PRKCB: variants seen among roughly 807,000 people sequenced by gnomAD.
The protein encoded by PRKCB is protein kinase C beta, also known as protein kinase C beta type.
Under a neutral mutation model 81.5 loss-of-function variants are expected in PRKCB, and 13 were observed. The ratio of observed to expected loss-of-function variants is 0.16; its 90% CI spans 0.10 to 0.25. The LOEUF (loss-of-function observed/expected upper bound fraction) is 0.25. Among genes scored for constraint, PRKCB ranks in the 10% least tolerant of loss-of-function variants. PRKCB has a pLI of 1.00. For synonymous variants in PRKCB, 335 were observed against 321.4 expected (o/e 1.04, Z -0.45); for missense variants, 509 against 875.7 (o/e 0.58, Z 5.29).
chr16:23,920,354 T>G (rs1204885805), intron 2 of PRKCB, among the ~76,000 whole-genome samples: 1 of 152,208 alleles, frequency 6.6e-6, no homozygotes, highest in Non-Finnish European at 1.5e-5. Flanking sequence ...TCTGTATTGA[T>G]TCAAGCAAGC....
intron 2 of PRKCB, among the ~76,000 whole-genome samples, chr16:23,867,272 C>T (rs768634388): frequency 3.3e-5 from 5 of 151,956 alleles, no homozygotes; most frequent in Non-Finnish European, 5.9e-5. Flanking sequence ...ATTACTGCCA[C>T]CTCACCTGGC....
At chr16:24,015,614 T>G (rs1965267621) in intron 3 of PRKCB, among the ~76,000 whole-genome samples, 1 of 152,260 alleles carries the variant, frequency 6.6e-6, no homozygotes, top group Non-Finnish European at 1.5e-5. Context: ...GGTTACACCC[T>G]CTAATTCCTT....
At chr16:24,178,225 G>A (rs1344518210) in intron 12 of PRKCB, among the ~76,000 whole-genome samples, 2 of 152,218 alleles carry the variant, frequency 1.3e-5, no homozygotes, top group Non-Finnish European at 2.9e-5. Context: ...CTTAGTGTCT[G>A]ATTTACTGAC....
chr16:24,026,718 G>A (rs1360136222), intron 3 of PRKCB, among the ~76,000 whole-genome samples: 1 of 152,214 alleles, frequency 6.6e-6, no homozygotes, highest in Non-Finnish European at 1.5e-5. Flanking sequence ...GTCTTGGAGA[G>A]GAGCTGGCTC....
intron 2 of PRKCB, among the ~76,000 whole-genome samples, chr16:23,956,121 T>A (rs1314930922): frequency 6.6e-6 from 1 of 152,098 alleles, no homozygotes; most frequent in Non-Finnish European, 1.5e-5. Context: ...TCCTATATAC[T>A]TTTTTTATAA....
intron 2 of PRKCB, among the ~76,000 whole-genome samples, chr16:23,931,326 C>T (rs1234927096): frequency 6.6e-6 from 1 of 152,192 alleles, no homozygotes; most frequent in Non-Finnish European, 1.5e-5. Context: ...GTTCTATTCT[C>T]CTCTCAGTAG....
intron 4 of PRKCB, 31 bp downstream of exon 4, chr16:24,032,278 C>G (rs752986177): frequency 6.7e-7 from 1 of 1,497,220 alleles, no homozygotes; most frequent in East Asian, 2.3e-5. Context: ...GGGGCATCTG[C>G]TGATGGCAGA....
chr16:24,167,703 C>CCATA (rs1430532827), intron 10 of PRKCB, among the ~76,000 whole-genome samples: 1 of 152,222 alleles, frequency 6.6e-6, no homozygotes, highest in Non-Finnish European at 1.5e-5. Context: ...ATCCACACAT[C>CCATA]CATACAATGT....
At chr16:24,037,819 A>G (rs1596523361) in intron 5 of PRKCB, among the ~76,000 whole-genome samples, 1 of 151,850 alleles carries the variant, frequency 6.6e-6, no homozygotes, top group Admixed American at 6.6e-5. Flanking sequence ...TGTGGCTGCC[A>G]TAACAAAATA....
intron 3 of PRKCB, among the ~76,000 whole-genome samples, chr16:24,016,617 T>C (rs1965281622): frequency 6.6e-6 from 1 of 152,076 alleles, no homozygotes; most frequent in African/African-American, 2.4e-5. Context: ...CCAGTTAAAA[T>C]AGCAATAAAG....
intron 9 of PRKCB, among the ~76,000 whole-genome samples, chr16:24,128,743 C>G (rs759662235): frequency 2.0e-5 from 3 of 152,066 alleles, no homozygotes; most frequent in African/African-American, 7.2e-5. Flanking sequence ...AGGGTACATG[C>G]GCAGGTTTGT....
At chr16:24,161,327 G>A (rs1262510221) in intron 10 of PRKCB, among the ~76,000 whole-genome samples, 1 of 151,950 alleles carries the variant, frequency 6.6e-6, no homozygotes, top group East Asian at 1.9e-4. Context: ...AGAAAATGTA[G>A]GATATTAAAT....
intron 1 of PRKCB, 144 bp from the exon 2 acceptor site, chr16:23,837,231 G>C (rs915427555): frequency 6.2e-6 from 6 of 971,644 alleles, no homozygotes; most frequent in Non-Finnish European, 5.0e-6. Flanking sequence ...CCACAAAGGC[G>C]GAAGACTCTT....
intron 2 of PRKCB, among the ~76,000 whole-genome samples, chr16:23,884,825 G>A (rs1003001206): frequency 6.6e-6 from 1 of 152,184 alleles, no homozygotes; most frequent in Non-Finnish European, 1.5e-5. Flanking sequence ...ACAGGTGTGA[G>A]CCACAATGCC....
intron 10 of PRKCB, among the ~76,000 whole-genome samples, chr16:24,167,872 C>A (rs886836462): frequency 1.3e-5 from 2 of 152,210 alleles, no homozygotes; most frequent in African/African-American, 4.8e-5. Context: ...CCTTTCTGAG[C>A]TTCAACTTTC....
chr16:24,152,127 A>G (rs949633941), intron 9 of PRKCB, among the ~76,000 whole-genome samples: 10 of 152,118 alleles, frequency 6.6e-5, no homozygotes, highest in African/African-American at 2.4e-4. Flanking sequence ...TGATAAAGAC[A>G]TACCCGAGAC....
At chr16:24,161,497 A>C (rs1234586609) in intron 10 of PRKCB, among the ~76,000 whole-genome samples, 3 of 152,186 alleles carry the variant, frequency 2.0e-5, no homozygotes, top group Non-Finnish European at 2.9e-5. Flanking sequence ...AGTAGTTATA[A>C]TATAGTTGTT....
intron 9 of PRKCB, among the ~76,000 whole-genome samples, chr16:24,129,680 CTA>C (rs1966850438): frequency 6.6e-6 from 1 of 151,176 alleles, no homozygotes; most frequent in African/African-American, 2.4e-5. Context: ...TATTATCTGT[CTA>C]TCTTATTATC....
intron 2 of PRKCB, among the ~76,000 whole-genome samples, chr16:23,897,828 T>C (rs894059776): frequency 6.6e-6 from 1 of 152,008 alleles, no homozygotes; most frequent in African/African-American, 2.4e-5. Flanking sequence ...CTCTCTCCCA[T>C]CCATCCATCC....
Sources: gnomAD v4.1 joint callset for allele counts (sites outside exome capture counted in the v4.1 genomes callset) on GRCh38, gnomAD v4.1.1 for gene constraint, MANE v1.5 for transcripts, NCBI Gene and HGNC (gene_info 2026-07-23, HGNC 2026-07-21) for gene names.